The following CCDC102B variants were observed in gnomAD, a reference collection of about 807,000 sequenced individuals.
The protein encoded by CCDC102B is coiled-coil domain-containing protein 102B.
Under a neutral mutation model 57.4 loss-of-function variants are expected in CCDC102B, and 75 were observed. The ratio of observed to expected loss-of-function variants is 1.31; its 90% CI spans 1.08 to 1.58. The LOEUF (loss-of-function observed/expected upper bound fraction) is 1.58, where lower values mean the gene tolerates loss of function less well. Ranked by LOEUF, CCDC102B falls within the 40% of genes most tolerant of loss-of-function variation. The pLI is 0.00. For synonymous variants in CCDC102B, 206 were observed against 201.9 expected, an observed-to-expected ratio of 1.02 and a Z score of -0.17; for missense variants, 636 against 582.6, an observed-to-expected ratio of 1.09 and a Z score of -0.94.
intron 7 of CCDC102B, among the ~76,000 whole-genome samples, chr18:69,017,960 T>G (rs1279484731): frequency 6.6e-6 from 1 of 152,188 alleles, no homozygotes; most frequent in African/African-American, 2.4e-5. Flanking sequence ...TTATCACAAA[T>G]GGCAGAATTT....
At chr18:68,825,272 A>G (rs1477987) in intron 1 of CCDC102B, among the ~76,000 whole-genome samples, 27,845 of 152,174 alleles carry the variant, frequency 0.18, 2,713 homozygotes, top group Non-Finnish European at 0.23. Context: ...TTAAGGTGCT[A>G]TTTGAATAGA....
intron 4 of CCDC102B, among the ~76,000 whole-genome samples, chr18:68,869,511 G>C (rs777288604): frequency 2.6e-4 from 40 of 152,336 alleles, no homozygotes; most frequent in Middle Eastern, 3.4e-3. Context: ...GCTCTTTCAA[G>C]GCACTTGATG....
intron 6 of CCDC102B, among the ~76,000 whole-genome samples, chr18:68,912,204 G>A (rs926604489): frequency 6.6e-6 from 1 of 152,002 alleles, no homozygotes; most frequent in African/African-American, 2.4e-5. Context: ...TTTCAGTCCT[G>A]GGTTAGAAAA....
chr18:68,973,924 A>T (rs28557007), intron 6 of CCDC102B, among the ~76,000 whole-genome samples: 3,447 of 152,186 alleles, frequency 0.023, 129 homozygotes, highest in African/African-American at 0.079. Context: ...AATCCACAAC[A>T]TCCCATCCAC....
chr18:68,991,174 G>T, intron 6 of CCDC102B, among the ~76,000 whole-genome samples: 1 of 134,086 alleles, frequency 7.5e-6, no homozygotes, highest in Non-Finnish European at 1.6e-5. Flanking sequence ...TTTGGACATT[G>T]GGTCTGTAAA....
chr18:69,044,473 CAGTA>C (rs1237151412), intron 7 of CCDC102B, among the ~76,000 whole-genome samples: 3 of 152,080 alleles, frequency 2.0e-5, no homozygotes, highest in Non-Finnish European at 4.4e-5. Context: ...TTGCCAAATT[CAGTA>C]AGTATTTTCC....
intron 7 of CCDC102B, among the ~76,000 whole-genome samples, chr18:69,026,677 G>A (rs2145433451): frequency 6.6e-6 from 1 of 152,196 alleles, no homozygotes; most frequent in Non-Finnish European, 1.5e-5. Context: ...TCTGGGGCGG[G>A]AGAAGAAGGA....
intron 1 of CCDC102B, among the ~76,000 whole-genome samples, chr18:68,816,649 A>G (rs1299538763): frequency 6.6e-6 from 1 of 151,868 alleles, no homozygotes; most frequent in Non-Finnish European, 1.5e-5. Flanking sequence ...TATTTTTAGT[A>G]CAGACGGGGT....
At chr18:68,896,981 A>T (rs766816633) in intron 5 of CCDC102B, among the ~76,000 whole-genome samples, 2 of 152,116 alleles carry the variant, frequency 1.3e-5, no homozygotes, top group African/African-American at 2.4e-5. Flanking sequence ...AATATGGTAC[A>T]TATGGCTGTA....
intron 6 of CCDC102B, among the ~76,000 whole-genome samples, chr18:68,977,556 T>TAA (rs79692983): frequency 3.6e-5 from 5 of 139,474 alleles, no homozygotes; most frequent in South Asian, 2.3e-4. Flanking sequence ...ACTATAGCAC[T>TAA]AAAAAAAAAA....
chr18:68,808,678 C>T (rs1253573663), intron 1 of CCDC102B, among the ~76,000 whole-genome samples: 2 of 152,014 alleles, frequency 1.3e-5, no homozygotes, highest in Non-Finnish European at 1.5e-5. Context: ...CAGGGTTTCA[C>T]CGTATTAGCC....
chr18:68,963,089 T>A (rs536027555), intron 6 of CCDC102B, among the ~76,000 whole-genome samples: 2 of 152,014 alleles, frequency 1.3e-5, no homozygotes, highest in African/African-American at 4.8e-5. Flanking sequence ...GAGAAAAATA[T>A]GTCTCACTAT....
chr18:68,998,995 TATATAGAG>T (rs1454647095), intron 6 of CCDC102B, among the ~76,000 whole-genome samples: 115 of 42,492 alleles, frequency 2.7e-3, no homozygotes, highest in African/African-American at 7.1e-3. Flanking sequence ...TATATATATA[TATATAGAG>T]AGAGAGAGAG....
At chr18:69,028,844 C>G (rs759352378) in intron 7 of CCDC102B, among the ~76,000 whole-genome samples, 1 of 151,796 alleles carries the variant, frequency 6.6e-6, no homozygotes, top group Non-Finnish European at 1.5e-5. Context: ...TTCCTTATTG[C>G]TCATTTATAT....
chr18:69,055,401 G>A (rs1434050230), downstream of CCDC102B, among the ~76,000 whole-genome samples: 1 of 152,052 alleles, frequency 6.6e-6, no homozygotes, highest in African/African-American at 2.4e-5. Flanking sequence ...ATGCTTAAAT[G>A]TGAACTTCCT....
chr18:68,884,140 G>A (rs1319884398), intron 5 of CCDC102B, among the ~76,000 whole-genome samples: 1 of 152,082 alleles, frequency 6.6e-6, no homozygotes, highest in Non-Finnish European at 1.5e-5. Context: ...GAACAATCAT[G>A]TGACCCAGCA....
At chr18:68,830,150 T>G (rs530451413) in intron 1 of CCDC102B, among the ~76,000 whole-genome samples, 16 of 152,138 alleles carry the variant, frequency 1.1e-4, no homozygotes, top group Non-Finnish European at 4.4e-5. Context: ...TTGTCATCTT[T>G]GTCATTTAAT....
In CCDC102B at chr18:69,054,246, A is replaced by G; in HGVS notation, c.*109A>G. ...TTTATTAACTAGAAATATTAATGAA[A>G]AAAACGTAGACAATACACAAATTAA... On this transcript the variant is annotated 3_prime_UTR_variant, in exon 8 of 8. Coordinates refer to ENST00000360242, the MANE Select transcript of CCDC102B (RefSeq NM_024781.3). 1 of 1,378,794 alleles carries G rather than the reference A, an allele frequency of 7.3e-7. No individual in the cohort carries two copies. The highest frequency in any genetic ancestry group is 9.3e-7 in the Non-Finnish European group (1 of 1,072,412). The allele number at this position is 1,378,794 out of a possible 1,614,324, so 85.4% of individuals were successfully genotyped here. A position where few individuals can be genotyped will look rare whatever the true frequency, so the allele number is the denominator to read the frequency against.
intron 1 of CCDC102B, among the ~76,000 whole-genome samples, chr18:68,811,602 T>A (rs2036267677): frequency 6.6e-6 from 1 of 151,762 alleles, no homozygotes; most frequent in African/African-American, 2.4e-5. Context: ...GCAACAAGAG[T>A]GAAATTTCAT....
Sources: gnomAD v4.1 joint callset for allele counts (sites outside exome capture counted in the v4.1 genomes callset) on GRCh38, gnomAD v4.1.1 for gene constraint, MANE v1.5 for transcripts, NCBI Gene and HGNC (gene_info 2026-07-23, HGNC 2026-07-21) for gene names.